Variants in ANKRD6 observed in about 807,000 individuals in gnomAD.
ANKRD6 encodes ankyrin repeat domain 6.
Under a neutral mutation model 82.3 loss-of-function variants are expected in ANKRD6, and 56 were observed. The ratio of observed to expected loss-of-function variants is 0.68; its 90% CI spans 0.55 to 0.85. ANKRD6 has a LOEUF of 0.85. Ranked by LOEUF, ANKRD6 falls within the 40% of genes least tolerant of loss-of-function variation. The pLI is 0.00. For synonymous variants in ANKRD6, 347 were observed against 352.1 expected (o/e 0.99, Z 0.16); for missense variants, 852 against 907.6 (o/e 0.94, Z 0.79).
intron 1 of ANKRD6, among the ~76,000 whole-genome samples, chr6:89,554,312 A>T (rs1786271949): frequency 6.6e-6 from 1 of 152,096 alleles, no homozygotes. Context: ...TTGTGGCCAT[A>T]TCACTCCATT....
At chr6:89,532,675 G>A (rs1007486656) in intron 1 of ANKRD6, among the ~76,000 whole-genome samples, 1 of 152,002 alleles carries the variant, frequency 6.6e-6, no homozygotes. Context: ...AGAACGTATT[G>A]AAAGCTTACA....
intron 1 of ANKRD6, among the ~76,000 whole-genome samples, chr6:89,441,228 G>A (rs1448418869): frequency 6.6e-6 from 1 of 152,142 alleles, no homozygotes. Flanking sequence ...TCAGTTGGCT[G>A]CAACCTCTGC....
chr6:89,537,896 A>AAAAAAAAAAAG (rs1784034233), intron 1 of ANKRD6, among the ~76,000 whole-genome samples: 1 of 133,122 alleles, frequency 7.5e-6, no homozygotes. Flanking sequence ...AAAAAAAAAA[A>AAAAAAAAAAAG]AAAAGAAAAG....
intron 1 of ANKRD6, among the ~76,000 whole-genome samples, chr6:89,481,635 A>G (rs747379801): frequency 7.2e-5 from 11 of 152,222 alleles, no homozygotes; most frequent in Non-Finnish European, 1.5e-4. Flanking sequence ...GCTGTTTTAT[A>G]ATAATGTTAT....
intron 1 of ANKRD6, among the ~76,000 whole-genome samples, chr6:89,487,138 A>G (rs1176152688): frequency 1.3e-5 from 2 of 152,116 alleles, no homozygotes; most frequent in African/African-American, 4.8e-5. Flanking sequence ...TGCATTATTT[A>G]CTCATCTGTA....
At chr6:89,603,647 G>A (rs1406710736) in intron 4 of ANKRD6, among the ~76,000 whole-genome samples, 2 of 152,116 alleles carry the variant, frequency 1.3e-5, no homozygotes, top group Admixed American at 1.3e-4. Flanking sequence ...TCTTAGATAA[G>A]TGAGCAAGTT....
chr6:89,477,926 A>G (rs1012123626), intron 1 of ANKRD6, among the ~76,000 whole-genome samples: 1 of 152,176 alleles, frequency 6.6e-6, no homozygotes, highest in African/African-American at 2.4e-5. Flanking sequence ...GCATTTCTGT[A>G]TAATTATGAA....
chr6:89,453,601 A>G (rs981253313), intron 1 of ANKRD6, among the ~76,000 whole-genome samples: 2 of 151,344 alleles, frequency 1.3e-5, no homozygotes, highest in African/African-American at 4.9e-5. Context: ...TTTTTTTGAG[A>G]TGGAGTCTCA....
In ANKRD6 at chr6:89,623,459, G is replaced by T. The variant is rs377655546; in HGVS notation, c.947G>T (p.Arg316Ile). 8 of 1,609,728 alleles carry T rather than the reference G, an allele frequency of 5.0e-6. No individual in the cohort carries two copies. Among genetic ancestry groups the T allele is most frequent in the Non-Finnish European group, 5.9e-6 (7 of 1,178,062 alleles). The change falls in exon 11 of 16, where the codon AGA (arginine) becomes ATA (isoleucine). Residue 316 changes from arginine (R) to isoleucine (I), a missense_variant. Arg to Ile is a moderately conservative substitution (Grantham distance 97). Coordinates refer to ENST00000339746, the MANE Select transcript of ANKRD6 (RefSeq NM_001242809.2). ...DTPSSEQAVA[R>I]KEEAREEFLS... ...CCCAGCAGTGAACAGGCTGTGGCCA[G>T]AAAAGAAGAAGCCAGAGAAGAGTTC... is the stretch of plus-strand genomic sequence containing the variant.
At chr6:89,583,099 G>A (rs1408519943) in intron 2 of ANKRD6, among the ~76,000 whole-genome samples, 1 of 152,134 alleles carries the variant, frequency 6.6e-6, no homozygotes, top group Non-Finnish European at 1.5e-5. Context: ...ATATGGCCTG[G>A]GCTTGGGGAT....
Position 89,479,777 on chromosome 6 carries a change from C to T in ANKRD6, c.-144+46402C>T, listed in dbSNP as rs1776564599. Among the ~76,000 whole-genome samples, 3 of 151,928 alleles carry T rather than the reference C, an allele frequency of 2.0e-5. 1 individual carries two copies. The South Asian group carries it at 6.2e-4, about 32-fold the overall frequency. On this transcript the variant is annotated intron_variant, in intron 1 of 15. Coordinates refer to ENST00000339746, the MANE Select transcript of ANKRD6 (RefSeq NM_001242809.2). Reference sequence around the variant, plus strand: ...CCTAATGCTATCCCTCCCGCCTCCCCTAGAATTGTTTCTTTAGTGATTGAA... The same window carrying T: ...CCTAATGCTATCCCTCCCGCCTCCCTTAGAATTGTTTCTTTAGTGATTGAA...
In ANKRD6 at chr6:89,435,591, GTCTCTGTCTTC is replaced by G. The variant is rs1770540235; in HGVS notation, c.-144+2218_-144+2228del. On this transcript the variant is annotated intron_variant, in intron 1 of 15. Transcript: ENST00000339746. ...AGTCTCAAAGTCGGGGGATCTTTTA[GTCTCTGTCTTC>G]TTCCAAGTTTCTCCTGTCTCCCTGG... 2.6e-5 allele frequency among the ~76,000 whole-genome samples: 4 copies of G among 152,288 alleles called. No individual in the cohort carries two copies. In the South Asian group the frequency reaches 8.3e-4, roughly 32 times the overall value.
chr6:89,449,439 G>T (rs1003696897), intron 1 of ANKRD6, among the ~76,000 whole-genome samples: 15 of 152,284 alleles, frequency 9.9e-5, no homozygotes, highest in African/African-American at 2.6e-4. Context: ...TGTGAAAGTT[G>T]CAGATACCAG....
At chr6:89,482,683 C>T (rs1776947361) in intron 1 of ANKRD6, among the ~76,000 whole-genome samples, 2 of 151,718 alleles carry the variant, frequency 1.3e-5, no homozygotes. Context: ...ATACTGTCTC[C>T]ATCTAATCAT....
intron 2 of ANKRD6, among the ~76,000 whole-genome samples, chr6:89,573,790 G>T (rs536051158): frequency 6.6e-6 from 1 of 152,278 alleles, no homozygotes; most frequent in African/African-American, 2.4e-5. Context: ...TGTTGGGAAA[G>T]TCAGCTTATA....
intron 1 of ANKRD6, among the ~76,000 whole-genome samples, chr6:89,466,996 T>G (rs1250968054): frequency 6.6e-6 from 1 of 152,206 alleles, no homozygotes; most frequent in East Asian, 1.9e-4. Flanking sequence ...TGTGAGCCAC[T>G]GTGCCTGGCT....
chr6:89,455,736 A>C (rs1773427349), intron 1 of ANKRD6, among the ~76,000 whole-genome samples: 2 of 151,814 alleles, frequency 1.3e-5, no homozygotes, highest in Non-Finnish European at 2.9e-5. Flanking sequence ...CTTCCCCTTC[A>C]CCTTCTGCTA....
At chr6:89,567,855 A>G (rs1788878796) in intron 2 of ANKRD6, among the ~76,000 whole-genome samples, 1 of 152,130 alleles carries the variant, frequency 6.6e-6, no homozygotes, top group African/African-American at 2.4e-5. Flanking sequence ...GAGTGGTGGA[A>G]ATGCAACTTG....
At chr6:89,575,309 G>A (rs1249148604) in intron 2 of ANKRD6, among the ~76,000 whole-genome samples, 3 of 152,158 alleles carry the variant, frequency 2.0e-5, no homozygotes, top group Non-Finnish European at 4.4e-5. Flanking sequence ...TGGGGGAAGA[G>A]GGATTCTAGT....
Sources: gnomAD v4.1 joint callset for allele counts (sites outside exome capture counted in the v4.1 genomes callset) on GRCh38, gnomAD v4.1.1 for gene constraint, MANE v1.5 for transcripts, NCBI Gene and HGNC (gene_info 2026-07-23, HGNC 2026-07-21) for gene names.